MCEE: variants seen among roughly 807,000 people sequenced by gnomAD.
The protein encoded by MCEE is methylmalonyl-CoA epimerase, also known as methylmalonyl-CoA epimerase, mitochondrial.
MCEE carries 6 observed loss-of-function variants against 12.9 expected under a neutral mutation model. That is an observed-to-expected ratio of 0.47 (90% CI 0.26 to 0.92). The LOEUF (loss-of-function observed/expected upper bound fraction) is 0.92. MCEE is among the 40% of genes least tolerant of loss of function. MCEE has a pLI of 0.16. For synonymous variants in MCEE, 78 were observed against 77.9 expected (o/e 1.00, Z -0.01); for missense variants, 214 against 212.1 (o/e 1.01, Z -0.05).
rs907205494 is a variant in MCEE, at chr2:71,122,505, C to T, written c.378+1701G>A. 2.6e-5 allele frequency among the ~76,000 whole-genome samples: 4 copies of T among 152,154 alleles called. 1 individual carries two copies. Among genetic ancestry groups the T allele is most frequent in the Admixed American group, 6.5e-5 (1 of 15,272 alleles). ...ACAGGTTTAATGATTTACAGTTCCA[C>T]GTGGCTGGGGAGGCCTCACACTCAT... On this transcript the variant is annotated intron_variant, in intron 2 of 2. Coordinates refer to ENST00000244217, the MANE Select transcript of MCEE (RefSeq NM_032601.4).
intron 2 of MCEE, among the ~76,000 whole-genome samples, chr2:71,122,071 A>G (rs1181232496): frequency 3.3e-5 from 5 of 152,208 alleles, no homozygotes; most frequent in African/African-American, 7.2e-5. Context: ...TGAAAATTCA[A>G]GAAAATAGTA....
At chr2:71,123,351 C>T (rs1349116679) in intron 2 of MCEE, among the ~76,000 whole-genome samples, 1 of 151,980 alleles carries the variant, frequency 6.6e-6, no homozygotes, top group Non-Finnish European at 1.5e-5. Context: ...ATTAGCCGGG[C>T]ATGGTGGCGC....
chr2:71,110,046 C>T lies in MCEE; in HGVS notation c.455G>A (p.Gly152Glu). ...AAAAATCACTGGTTTTCCATGTGCT[C>T]CTATTTTGACCTCTTCACTTAGACT... The part of the protein sequence containing the change: ...IRSLSEEVKI[G>E]AHGKPVIFLH... Residue 152 changes from glycine (G) to glutamate (E), a missense_variant, in exon 3 of 3, where the codon GGA becomes GAA. Physicochemically the swap from Gly to Glu is moderately conservative, Grantham distance 98. Coordinates refer to ENST00000244217, the MANE Select transcript of MCEE (RefSeq NM_032601.4). 6.2e-7 allele frequency: 1 copy of T among 1,613,536 alleles called. No homozygotes were observed. Among genetic ancestry groups the T allele is most frequent in the Non-Finnish European group, 8.5e-7 (1 of 1,179,566 alleles).
At chr2:71,119,182 CG>C (rs1558745538) in intron 2 of MCEE, among the ~76,000 whole-genome samples, 1 of 149,794 alleles carries the variant, frequency 6.7e-6, no homozygotes, top group Non-Finnish European at 1.5e-5. Flanking sequence ...TTGATGGGTA[CG>C]AGTCCTGAGA....
chr2:71,114,289 C>T (rs1190318294), intron 2 of MCEE, among the ~76,000 whole-genome samples: 2 of 151,656 alleles, frequency 1.3e-5, no homozygotes, highest in East Asian at 3.9e-4. Context: ...CCATGGCATA[C>T]GTTTACCTAT....
intron 2 of MCEE, among the ~76,000 whole-genome samples, chr2:71,122,284 C>T (rs1002031618): frequency 6.6e-6 from 1 of 152,178 alleles, no homozygotes; most frequent in Non-Finnish European, 1.5e-5. Flanking sequence ...CAGGTGCATA[C>T]CACCACACCT....
intron 2 of MCEE, among the ~76,000 whole-genome samples, chr2:71,116,085 C>T (rs993903522): frequency 5.3e-5 from 8 of 149,926 alleles, no homozygotes; most frequent in Non-Finnish European, 1.2e-4. Context: ...GGGCTATTTA[C>T]TTTTCTTTTT....
At position 71,124,235 on chromosome 2, in the gene MCEE, C is replaced by T. The variant is rs773499291; in HGVS notation, c.349G>A (p.Ala117Thr). The T allele has an allele frequency of 1.2e-6, 2 of 1,613,860 alleles. No homozygotes were observed. The highest frequency in any genetic ancestry group is 8.5e-7 in the Non-Finnish European group (1 of 1,179,804). ...ATGCAGATGTGATGCATTCCTCCAGCCTTGTTTTTCTGCAGAAAACCTGCA... is the reference window on the plus strand; with the variant it reads ...ATGCAGATGTGATGCATTCCTCCAGTCTTGTTTTTCTGCAGAAAACCTGCA... ...PIAGFLQKNK[A>T]GGMHHICIEV... is the part of the protein sequence containing the mutation. Residue 117 changes from alanine to threonine, a missense_variant, in exon 2 of 3, where the codon GCT becomes ACT. By Grantham distance (58) the Ala-to-Thr change is moderately conservative (BLOSUM62 0). Coordinates refer to ENST00000244217, the MANE Select transcript of MCEE (RefSeq NM_032601.4).
intron 1 of MCEE, among the ~76,000 whole-genome samples, chr2:71,127,915 C>T (rs756326682): frequency 1.3e-5 from 2 of 152,156 alleles, no homozygotes; most frequent in African/African-American, 4.8e-5. Flanking sequence ...CGTGAGTCAC[C>T]GCGCCTGGCC....
chr2:71,126,146 G>C (rs1673227679), intron 1 of MCEE, among the ~76,000 whole-genome samples: 1 of 152,114 alleles, frequency 6.6e-6, no homozygotes, highest in African/African-American at 2.4e-5. Context: ...CACAGCACTA[G>C]GCCAGTGAAA....
intron 1 of MCEE, among the ~76,000 whole-genome samples, chr2:71,126,382 C>T (rs930540850): frequency 7.9e-5 from 12 of 151,832 alleles, no homozygotes; most frequent in East Asian, 3.9e-4. Flanking sequence ...CGCATGCCAC[C>T]GCACCCGGCT....
intron 1 of MCEE, among the ~76,000 whole-genome samples, chr2:71,128,060 C>T (rs905607910): frequency 2.0e-5 from 3 of 152,148 alleles, no homozygotes; most frequent in Admixed American, 1.3e-4. Context: ...TTTCACAGCA[C>T]CATATATATA....
At chr2:71,128,908 T>G (rs1462437453) in intron 1 of MCEE, among the ~76,000 whole-genome samples, 1 of 150,212 alleles carries the variant, frequency 6.7e-6, no homozygotes, top group Non-Finnish European at 1.5e-5. Context: ...AAGAATGGCT[T>G]GAACCTGGGA....
rs1195352542 is a variant in MCEE at position 71,109,783 on chromosome 2, TGTTA to T, written c.*183_*186del. Reference sequence around the variant, plus strand: ...TCAAATTCAAATTAACAAATATGTTTGTTAATCTAAATAATATACATATTTATGT... The same window carrying T: ...TCAAATTCAAATTAACAAATATGTTTATCTAAATAATATACATATTTATGT... On this transcript the variant is annotated 3_prime_UTR_variant, in exon 3 of 3. Coordinates refer to ENST00000244217, the MANE Select transcript of MCEE (RefSeq NM_032601.4). 7 of 358,798 alleles carry T rather than the reference TGTTA, an allele frequency of 2.0e-5. No individual in the cohort carries two copies. The highest frequency in any genetic ancestry group is 1.0e-4 in the East Asian group (2 of 19,688). 22.2% of individuals were successfully genotyped at this position (358,798 alleles called of 1,614,324 possible).
intron 1 of MCEE, among the ~76,000 whole-genome samples, chr2:71,127,169 T>C (rs1673251591): frequency 6.6e-6 from 1 of 152,258 alleles, no homozygotes; most frequent in Non-Finnish European, 1.5e-5. Context: ...TTTTCACATG[T>C]CAGGAAGCTG....
intron 2 of MCEE, 149 bp from the exon 3 acceptor site, chr2:71,110,271 A>G: frequency 1.4e-6 from 1 of 726,936 alleles, no homozygotes; most frequent in Non-Finnish European, 2.3e-6. Flanking sequence ...ATAAAAAATA[A>G]GCTTAAAATT....
rs779898648 is a variant in MCEE at position 71,121,870 on chromosome 2, C to T, written c.378+2336G>A. Reference sequence around the variant, plus strand: ...GCTTAAGGTCTTATAGCTTCCCCACCGCAAATTTAAAACTCAGTTAATATA... The same window carrying T: ...GCTTAAGGTCTTATAGCTTCCCCACTGCAAATTTAAAACTCAGTTAATATA... On this transcript the variant is annotated intron_variant, in intron 2 of 2. Coordinates refer to ENST00000244217, the MANE Select transcript of MCEE (RefSeq NM_032601.4). Among the ~76,000 whole-genome samples the T allele has an allele frequency of 1.4e-4, 22 of 152,034 alleles. 1 individual carries two copies. Among genetic ancestry groups the T allele is most frequent in the Non-Finnish European group, 2.9e-5 (2 of 68,018 alleles).
intron 2 of MCEE, 129 bp from the exon 3 acceptor site, chr2:71,110,251 T>A: frequency 1.3e-6 from 1 of 760,076 alleles, no homozygotes. Flanking sequence ...AGGACCATTC[T>A]TAAATCATCA....
intron 2 of MCEE, among the ~76,000 whole-genome samples, chr2:71,113,498 T>A (rs1382947504): frequency 6.6e-6 from 1 of 152,068 alleles, no homozygotes; most frequent in African/African-American, 2.4e-5. Context: ...ATTTGGAGCA[T>A]CTCATATAGA....
Sources: gnomAD v4.1 joint callset for allele counts (sites outside exome capture counted in the v4.1 genomes callset) on GRCh38, gnomAD v4.1.1 for gene constraint, MANE v1.5 for transcripts, NCBI Gene and HGNC (gene_info 2026-07-23, HGNC 2026-07-21) for gene names.